The following CHEK2 variants were observed in gnomAD, a reference collection of about 807,000 sequenced individuals.
The protein encoded by CHEK2 is checkpoint kinase 2.
Under a neutral mutation model 69.1 loss-of-function variants are expected in CHEK2, and 71 were observed. The ratio of observed to expected loss-of-function variants is 1.03; its 90% confidence interval spans 0.85 to 1.25. CHEK2 has a LOEUF of 1.25. CHEK2 is among the 50% of genes most tolerant of loss of function. The pLI, the probability that CHEK2 is intolerant of heterozygous loss-of-function variation, is 0.00. For synonymous variants in CHEK2, 189 were observed against 226.9 expected, an observed-to-expected ratio of 0.83 and a Z score of 1.50; for missense variants, 664 against 649.6, an observed-to-expected ratio of 1.02 and a Z score of -0.24.
chr22:28,701,068 C>T (rs1444877615), intron 8 of CHEK2, among the ~76,000 whole-genome samples: 20 of 151,672 alleles, frequency 1.3e-4, no homozygotes, highest in Admixed American at 1.1e-3. Context: ...GGATTACAGG[C>T]GTGAGCCACC....
chr22:28,726,028 C>T (rs576975918), intron 2 of CHEK2, among the ~76,000 whole-genome samples: 1 of 151,894 alleles, frequency 6.6e-6, no homozygotes, highest in African/African-American at 2.4e-5. Context: ...GATGGTGAAA[C>T]CCTGTCTCTA....
intron 8 of CHEK2, among the ~76,000 whole-genome samples, chr22:28,702,135 C>CTGTGTGTGTCTGTG (rs1555916244): frequency 2.1e-4 from 29 of 140,314 alleles, no homozygotes; most frequent in Non-Finnish European, 3.5e-4. Context: ...GTGTGTGTGT[C>CTGTGTGTGTCTGTG]TGTGTGTGTG....
At chr22:28,700,620 C>T (rs1317465529) in intron 8 of CHEK2, among the ~76,000 whole-genome samples, 2 of 152,144 alleles carry the variant, frequency 1.3e-5, no homozygotes, top group African/African-American at 2.4e-5. Flanking sequence ...CCTAACTCTA[C>T]CATTTCCCAG....
rs1274857688 is a variant in CHEK2, at chr22:28,730,142, C to T, written c.319+4261G>A. On this transcript the variant is annotated intron_variant, in intron 2 of 14. Transcript: ENST00000404276. ...ACAGGCATGAGCCACTGCACCCACCCCAGAAAGAACTTTTATGAAACATCC... is the reference window on the plus strand; with the variant it reads ...ACAGGCATGAGCCACTGCACCCACCTCAGAAAGAACTTTTATGAAACATCC... Among the ~76,000 whole-genome samples, 4 of 148,162 alleles carry T rather than the reference C, an allele frequency of 2.7e-5. No homozygotes were observed. The Admixed American group carries it at 2.8e-4, about 10-fold the overall frequency.
At chr22:28,736,772 C>T (rs974213017) in intron 1 of CHEK2, among the ~76,000 whole-genome samples, 9 of 143,198 alleles carry the variant, frequency 6.3e-5, no homozygotes, top group South Asian at 2.2e-4. Context: ...GGACCCCCCC[C>T]GCCCCCCGTA....
rs963110834 is a variant in CHEK2, at chr22:28,703,867, C to T, written c.847-301G>A. On this transcript the variant is annotated intron_variant, in intron 7 of 14. Transcript: ENST00000404276. Reference sequence around the variant, plus strand: ...CTCTTCCCAGTCTTCTTCCTCACTACCCCAGAGCAGAGGTACTCAAGGACA... The same window carrying T: ...CTCTTCCCAGTCTTCTTCCTCACTATCCCAGAGCAGAGGTACTCAAGGACA... Among the ~76,000 whole-genome samples the T allele has an allele frequency of 2.6e-5, 4 of 152,272 alleles. No homozygotes were observed. In the East Asian group the frequency reaches 7.7e-4, roughly 29 times the overall value.
At chr22:28,719,262 AAAT>A (rs1601804899) in intron 5 of CHEK2, 130 bp downstream of exon 5, 2 of 499,854 alleles carry the variant, frequency 4.0e-6, no homozygotes, top group African/African-American at 2.0e-5. Context: ...TAAAAATAAA[AAAT>A]AATACACAAA....
At chr22:28,721,281 G>GTTTTTTT (rs755378917) in intron 4 of CHEK2, among the ~76,000 whole-genome samples, 9 of 109,940 alleles carry the variant, frequency 8.2e-5, no homozygotes, top group East Asian at 6.0e-4. Flanking sequence ...GTTTGTTTGG[G>GTTTTTTT]TTTTTTTTTT....
At chr22:28,688,137 G>C in intron 14 of CHEK2, 151 bp from the exon 15 acceptor site, 1 of 674,054 alleles carries the variant, frequency 1.5e-6, no homozygotes, top group Non-Finnish European at 2.6e-6. Context: ...ATTGACAACT[G>C]AGTCCTCACC....
At chr22:28,701,439 T>C (rs1304334304) in intron 8 of CHEK2, among the ~76,000 whole-genome samples, 1 of 152,130 alleles carries the variant, frequency 6.6e-6, no homozygotes, top group Non-Finnish European at 1.5e-5. Context: ...CTTGAACTCC[T>C]GGCCTCAAGG....
intron 1 of CHEK2, among the ~76,000 whole-genome samples, chr22:28,739,466 G>A (rs1470553417): frequency 6.6e-6 from 1 of 151,934 alleles, no homozygotes; most frequent in African/African-American, 2.4e-5. Context: ...GAGGCGGGCA[G>A]ATCACTTGGG....
intron 2 of CHEK2, among the ~76,000 whole-genome samples, chr22:28,729,116 AAAACCAGACAGAGACATCACAG>A (rs536343673): frequency 2.6e-4 from 39 of 152,342 alleles, no homozygotes; most frequent in Admixed American, 2.0e-3. Flanking sequence ...CCAGCATACC[AAAACCAGACAGAGACATCACAG>A]TAAAACCACA....
chr22:28,725,414 C>T, intron 2 of CHEK2, 47 bp from the exon 3 acceptor site: 2 of 1,612,644 alleles, frequency 1.2e-6, no homozygotes, highest in Non-Finnish European at 1.7e-6. Flanking sequence ...TTTCATGTAT[C>T]AAACGTTTAA....
chr22:28,705,732 C>A (rs2053099813), intron 7 of CHEK2, among the ~76,000 whole-genome samples: 4 of 151,772 alleles, frequency 2.6e-5, no homozygotes, highest in Non-Finnish European at 5.9e-5. Flanking sequence ...TCGTGACCAG[C>A]CTGACTAACA....
chr22:28,738,630 G>C (rs924615185), intron 1 of CHEK2, among the ~76,000 whole-genome samples: 11 of 152,148 alleles, frequency 7.2e-5, no homozygotes, highest in African/African-American at 2.2e-4. Flanking sequence ...AGTGAGGGCA[G>C]CAAAACTCCA....
rs117710439 is a variant in CHEK2, at chr22:28,732,938, T to C, written c.319+1465A>G. 5.0e-3 allele frequency among the ~76,000 whole-genome samples: 766 copies of C among 152,204 alleles called. 5 individuals carry two copies. Among genetic ancestry groups the C allele is most frequent in the Non-Finnish European group, 6.2e-3 (419 of 68,026 alleles). ...TCCTGAGTAGCTGGGATTGCAGACATGCGCCACCACACCTGGCTAATTTTT... is the reference window on the plus strand; with the variant it reads ...TCCTGAGTAGCTGGGATTGCAGACACGCGCCACCACACCTGGCTAATTTTT... On this transcript the variant is annotated intron_variant, in intron 2 of 14. Coordinates refer to ENST00000404276, the MANE Select transcript of CHEK2 (RefSeq NM_007194.4).
At position 28,687,963 on chromosome 22, in the gene CHEK2, G is replaced by C. The variant is rs202104749; in HGVS notation, c.1566C>G (p.Pro522=). Residue 522 remains proline (P), a synonymous_variant, in exon 15 of 15, where the codon CCC becomes CCG. Coordinates refer to ENST00000404276, the MANE Select transcript of CHEK2 (RefSeq NM_007194.4). ...LAQPSTSRKR[P]REGEAEGAET... Reference sequence around the variant, plus strand: ...CGGCACCCTCGGCTTCCCCTTCACGGGGCCGCTTTCGACTAGTAGAAGGCT... The same window carrying C: ...CGGCACCCTCGGCTTCCCCTTCACGCGGCCGCTTTCGACTAGTAGAAGGCT... 1 of 1,592,550 alleles carries C rather than the reference G, an allele frequency of 6.3e-7. No individual in the cohort carries two copies. The highest frequency in any genetic ancestry group is 8.5e-7 in the Non-Finnish European group (1 of 1,177,534).
chr22:28,712,123 C>G (rs2053424748), intron 5 of CHEK2, 106 bp from the exon 6 acceptor site: 11 of 807,592 alleles, frequency 1.4e-5, no homozygotes, highest in East Asian at 2.6e-5. Flanking sequence ...TTCCATATAA[C>G]AGCCTTTCCA....
intron 1 of CHEK2, among the ~76,000 whole-genome samples, chr22:28,737,615 G>A (rs768454207): frequency 8.6e-5 from 13 of 151,644 alleles, no homozygotes; most frequent in South Asian, 2.1e-4. Flanking sequence ...GATTACAGGC[G>A]CACACCACCA....
Sources: gnomAD v4.1 joint callset for allele counts (sites outside exome capture counted in the v4.1 genomes callset) on GRCh38, gnomAD v4.1.1 for gene constraint, MANE v1.5 for transcripts, NCBI Gene and HGNC (gene_info 2026-07-23, HGNC 2026-07-21) for gene names.